The following CRACR2A variants were observed in gnomAD, a reference collection of about 807,000 sequenced individuals.
The protein encoded by CRACR2A is EF-hand calcium-binding domain-containing protein 4B.
A neutral mutation model predicts 90.5 loss-of-function variants in CRACR2A; 79 were observed. The ratio of observed to expected loss-of-function variants is 0.87; its 90% CI spans 0.73 to 1.05. The LOEUF is 1.05. CRACR2A is among the 50% of genes least tolerant of loss of function. The pLI is 0.00. For missense variants in CRACR2A, 823 were observed against 897.2 expected (o/e 0.92, Z 1.06); for synonymous variants, 338 against 356.7 (o/e 0.95, Z 0.59).
chr12:3,667,599 T>C (rs1182018021), intron 7 of CRACR2A, among the ~76,000 whole-genome samples: 1 of 152,170 alleles, frequency 6.6e-6, no homozygotes, highest in African/African-American at 2.4e-5. Context: ...GAGAAGAACA[T>C]GGAAGCAAAT....
At chr12:3,644,348 C>A (rs1031042419) in intron 12 of CRACR2A, among the ~76,000 whole-genome samples, 1 of 152,146 alleles carries the variant, frequency 6.6e-6, no homozygotes, top group Middle Eastern at 3.4e-3. Context: ...AAGAAATGTG[C>A]GACCCTCCCA....
At chr12:3,751,225 T>TCTC (rs1463706020) in intron 1 of CRACR2A, among the ~76,000 whole-genome samples, 4 of 151,968 alleles carry the variant, frequency 2.6e-5, no homozygotes, top group Non-Finnish European at 5.9e-5. Flanking sequence ...AACATGAAAA[T>TCTC]CTCCTACCAC....
intron 4 of CRACR2A, among the ~76,000 whole-genome samples, chr12:3,683,989 T>C (rs1219256549): frequency 1.3e-5 from 2 of 151,448 alleles, no homozygotes; most frequent in East Asian, 3.9e-4. Context: ...GTACTGAGAG[T>C]TCATGCCCCA....
chr12:3,638,439 C>G lies in CRACR2A; in HGVS notation c.1287G>C (p.Glu429Asp). 6.5e-7 allele frequency: 1 copy of G among 1,543,960 alleles called. No individual in the cohort carries two copies. The highest frequency in any genetic ancestry group is 8.8e-7 in the Non-Finnish European group (1 of 1,141,298). The change falls in exon 14 of 20, where the codon GAG becomes GAC. Residue 429 changes from glutamate to aspartate, a missense_variant. By Grantham distance (45) the Glu-to-Asp change is conservative. Coordinates refer to ENST00000440314, the MANE Select transcript of CRACR2A (RefSeq NM_001144958.2). Reference sequence around the variant, plus strand: ...TCCTTGGGATGCCAAACACCTCCTCCTCCTCCTCTGACTGGCTACTGGGGC... The same window carrying G: ...TCCTTGGGATGCCAAACACCTCCTCGTCCTCCTCTGACTGGCTACTGGGGC... ...RGILRSQSEEEEEVFGIPRRS... is the reference protein window; with the variant it reads ...RGILRSQSEEDEEVFGIPRRS...
chr12:3,656,530 C>T, intron 8 of CRACR2A, 124 bp from the exon 9 acceptor site: 1 of 803,000 alleles, frequency 1.2e-6, no homozygotes, highest in Non-Finnish European at 2.1e-6. Flanking sequence ...TGGGGCTTTT[C>T]CCACAGCACT....
At chr12:3,716,083 G>A (rs1230433089) in intron 2 of CRACR2A, among the ~76,000 whole-genome samples, 1 of 151,160 alleles carries the variant, frequency 6.6e-6, no homozygotes, top group African/African-American at 2.4e-5. Flanking sequence ...CTTTTTAGGT[G>A]TTTTTCTTCT....
At chr12:3,656,889 C>A (rs543002489) in intron 8 of CRACR2A, among the ~76,000 whole-genome samples, 5 of 152,344 alleles carry the variant, frequency 3.3e-5, no homozygotes, top group African/African-American at 1.2e-4. Context: ...TCTGGAAACA[C>A]AGGGCCATTT....
At chr12:3,666,625 G>A (rs1173005912) in intron 7 of CRACR2A, among the ~76,000 whole-genome samples, 1 of 152,224 alleles carries the variant, frequency 6.6e-6, no homozygotes, top group Non-Finnish European at 1.5e-5. Context: ...CCTTCACAAA[G>A]TGTTTTGCAC....
intron 7 of CRACR2A, among the ~76,000 whole-genome samples, chr12:3,672,340 C>G (rs2137571921): frequency 6.6e-6 from 1 of 152,348 alleles, no homozygotes; most frequent in East Asian, 1.9e-4. Context: ...AGCACAAACT[C>G]TGAAACTGCC....
intron 7 of CRACR2A, among the ~76,000 whole-genome samples, chr12:3,660,206 C>T (rs1025025922): frequency 2.0e-5 from 3 of 152,116 alleles, no homozygotes; most frequent in Non-Finnish European, 2.9e-5. Flanking sequence ...TTGTGTGATC[C>T]ATGTTTCTCA....
intron 3 of CRACR2A, among the ~76,000 whole-genome samples, chr12:3,702,800 C>A (rs936842543): frequency 6.6e-6 from 1 of 152,068 alleles, no homozygotes; most frequent in African/African-American, 2.4e-5. Context: ...AGAATTCACA[C>A]AAAAATGAGA....
intron 7 of CRACR2A, among the ~76,000 whole-genome samples, chr12:3,669,731 C>T (rs1945208010): frequency 6.6e-6 from 1 of 152,148 alleles, no homozygotes; most frequent in Middle Eastern, 3.2e-3. Context: ...ACCTCAGTTG[C>T]CACGTCCTCC....
chr12:3,750,660 G>A lies in CRACR2A; in HGVS notation c.-387+2355C>T, dbSNP rs535626150. Among the ~76,000 whole-genome samples the A allele has an allele frequency of 3.9e-5, 6 of 152,310 alleles. No homozygotes were observed. In the South Asian group the frequency reaches 1.2e-3, roughly 32 times the overall value. On this transcript the variant is annotated intron_variant, in intron 1 of 19. Transcript: ENST00000440314. The stretch of plus-strand genomic sequence containing the variant: ...ATTGCAACAAAATAGACACTATTTT[G>A]TGTGGAAGAAAAGCAAGAGAGAGAT...
chr12:3,752,232 T>C (rs550402519), intron 1 of CRACR2A, among the ~76,000 whole-genome samples: 21 of 152,286 alleles, frequency 1.4e-4, no homozygotes, highest in African/African-American at 5.1e-4. Flanking sequence ...CTAAGCACAC[T>C]GTGTAAACAG....
chr12:3,706,128 T>G (rs1197470686), intron 3 of CRACR2A, among the ~76,000 whole-genome samples: 1 of 152,328 alleles, frequency 6.6e-6, no homozygotes, highest in Middle Eastern at 3.4e-3. Flanking sequence ...GTCTTAGTAC[T>G]TGGGGGGAAA....
At chr12:3,622,161 T>C (rs866136484) in intron 17 of CRACR2A, among the ~76,000 whole-genome samples, 2 of 152,286 alleles carry the variant, frequency 1.3e-5, no homozygotes, top group Middle Eastern at 3.4e-3. Flanking sequence ...AAGCAACACC[T>C]CCTTCAAGCC....
At chr12:3,672,089 T>C (rs1169377507) in intron 7 of CRACR2A, among the ~76,000 whole-genome samples, 1 of 152,226 alleles carries the variant, frequency 6.6e-6, no homozygotes, top group Non-Finnish European at 1.5e-5. Context: ...AGCCAAACTA[T>C]GTTTCCTCCA....
chr12:3,668,345 G>A (rs758527), intron 7 of CRACR2A, among the ~76,000 whole-genome samples: 22,478 of 152,212 alleles, frequency 0.15, 1,848 homozygotes, highest in South Asian at 0.26. Flanking sequence ...CAGCCTGCCT[G>A]TATCAGAACC....
chr12:3,640,913 T>A, intron 13 of CRACR2A: 1 of 1,021,816 alleles, frequency 9.8e-7, no homozygotes, highest in Non-Finnish European at 1.3e-6. Flanking sequence ...GTGTTATGTT[T>A]GAGTTAATTA....
Sources: gnomAD v4.1 joint callset for allele counts (sites outside exome capture counted in the v4.1 genomes callset) on GRCh38, gnomAD v4.1.1 for gene constraint, MANE v1.5 for transcripts, NCBI Gene and HGNC (gene_info 2026-07-23, HGNC 2026-07-21) for gene names.